PKP2: variants seen among roughly 807,000 people sequenced by gnomAD.
PKP2 encodes plakophilin-2.
A neutral mutation model predicts 83.4 loss-of-function variants in PKP2; 73 were observed. The observed-to-expected ratio is 0.88, with a 90% CI of 0.72 to 1.06. The LOEUF is 1.06. PKP2 is among the 50% of genes least tolerant of loss of function. The pLI is 0.00. For missense variants in PKP2, 966 were observed against 1,065.4 expected, an observed-to-expected ratio of 0.91 and a Z score of 1.30; for synonymous variants, 409 against 430.4, an observed-to-expected ratio of 0.95 and a Z score of 0.62.
At chr12:32,887,098 G>T (rs1252535981) in intron 1 of PKP2, among the ~76,000 whole-genome samples, 1 of 152,146 alleles carries the variant, frequency 6.6e-6, no homozygotes, top group Non-Finnish European at 1.5e-5. Flanking sequence ...TTAACCAATA[G>T]TTGTACAGTG....
intron 5 of PKP2, among the ~76,000 whole-genome samples, 174 bp downstream of exon 5, chr12:32,850,592 T>G (rs1198090669): frequency 6.6e-6 from 1 of 150,538 alleles, no homozygotes; most frequent in Non-Finnish European, 1.5e-5. Flanking sequence ...AATTCGAATG[T>G]GGCTCAAATC....
At chr12:32,799,615 G>C (rs976137779) in intron 10 of PKP2, among the ~76,000 whole-genome samples, 1 of 152,154 alleles carries the variant, frequency 6.6e-6, no homozygotes, top group African/African-American at 2.4e-5. Context: ...TAAAAAGAAA[G>C]ACATAATGGC....
intron 6 of PKP2, among the ~76,000 whole-genome samples, chr12:32,824,608 G>C (rs578134476): frequency 1.4e-4 from 21 of 152,280 alleles, no homozygotes; most frequent in South Asian, 1.0e-3. Flanking sequence ...AAGACAGTGT[G>C]TTGGACTACA....
intron 6 of PKP2, among the ~76,000 whole-genome samples, chr12:32,828,335 T>C (rs1177795887): frequency 7.2e-5 from 11 of 152,192 alleles, no homozygotes; most frequent in Admixed American, 7.2e-4. Context: ...CACAACACCC[T>C]GGACCTTGAT....
At chr12:32,797,957 G>A (rs1402950405) in intron 10 of PKP2, among the ~76,000 whole-genome samples, 9 of 151,938 alleles carry the variant, frequency 5.9e-5, no homozygotes, top group Non-Finnish European at 5.9e-5. Flanking sequence ...AGGAGTTTGA[G>A]ACCAGTCTGG....
chr12:32,834,385 A>G (rs1030340688), intron 6 of PKP2, among the ~76,000 whole-genome samples: 6 of 152,222 alleles, frequency 3.9e-5, no homozygotes, highest in African/African-American at 1.4e-4. Flanking sequence ...TGGACTAGCT[A>G]GCTGTCATTC....
intron 5 of PKP2, among the ~76,000 whole-genome samples, chr12:32,844,541 A>G (rs1287272897): frequency 6.6e-6 from 1 of 152,246 alleles, no homozygotes; most frequent in East Asian, 1.9e-4. Flanking sequence ...CCATGACTAG[A>G]GGAGGCAAAA....
intron 5 of PKP2, among the ~76,000 whole-genome samples, chr12:32,846,417 G>A (rs960821202): frequency 3.9e-5 from 6 of 152,116 alleles, no homozygotes; most frequent in Admixed American, 1.3e-4. Context: ...GAAGTAGAGC[G>A]AGAGATGAAG....
chr12:32,855,600 C>T (rs1403245556), intron 4 of PKP2, among the ~76,000 whole-genome samples: 3 of 151,836 alleles, frequency 2.0e-5, no homozygotes, highest in Admixed American at 6.6e-5. Context: ...CATAGTGAAA[C>T]CCCGTCTCTA....
At chr12:32,865,764 CAA>C (rs1178705832) in intron 4 of PKP2, among the ~76,000 whole-genome samples, 1 of 151,042 alleles carries the variant, frequency 6.6e-6, no homozygotes, top group East Asian at 2.0e-4. Context: ...TCCTTTTCAG[CAA>C]AGATACAAAG....
chr12:32,879,003 CAG>C lies in PKP2; in HGVS notation c.251_252del (p.Pro84ArgfsTer10). ...NGNLHRTSSV[P>X]EYVYNLHLVE... is the part of the protein sequence containing the mutation. ...ACCAAGTGTAGGTTGTAGACATACT[CAG>C]GAACACTGCTGGTTCGGTGAAGATT... On this transcript the variant is annotated frameshift_variant, in exon 2 of 13. Coordinates refer to ENST00000340811, the MANE Select transcript of PKP2 (RefSeq NM_001005242.3). LOFTEE classifies it high-confidence loss of function. The C allele has an allele frequency of 6.2e-7, 1 of 1,600,472 alleles. No individual in the cohort carries two copies. Among genetic ancestry groups the C allele is most frequent in the Non-Finnish European group, 8.6e-7 (1 of 1,169,302 alleles).
rs1354122232 is a variant in PKP2 at position 32,822,522 on chromosome 12, G to T, written c.1784C>A (p.Thr595Asn). Residue 595 changes from threonine (T) to asparagine (N), a missense_variant, in exon 8 of 13, where the codon ACT becomes AAT. Physicochemically the swap from Thr to Asn is moderately conservative, Grantham distance 65 (BLOSUM62 0). Coordinates refer to ENST00000340811, the MANE Select transcript of PKP2 (RefSeq NM_001005242.3). The stretch of plus-strand genomic sequence containing the variant: ...ACATCCAATACTTTTGTTGTTGTCA[G>T]TCTGGATATTCCGGTTTTGAATATA... ...NIYIQNRNIQTDNNKSIGCFG... is the reference protein window; with the variant it reads ...NIYIQNRNIQNDNNKSIGCFG... 1.9e-6 allele frequency: 3 copies of T among 1,613,966 alleles called. No individual in the cohort carries two copies. Among genetic ancestry groups the T allele is most frequent in the African/African-American group, 1.3e-5 (1 of 74,898 alleles).
chr12:32,874,136 T>G (rs1956914882), intron 3 of PKP2, among the ~76,000 whole-genome samples: 2 of 152,180 alleles, frequency 1.3e-5, no homozygotes, highest in South Asian at 2.1e-4. Flanking sequence ...AGGTTTATGG[T>G]TTTGTCCAGT....
intron 5 of PKP2, among the ~76,000 whole-genome samples, chr12:32,848,043 CT>C (rs1376333038): frequency 3.3e-5 from 5 of 152,230 alleles, no homozygotes; most frequent in African/African-American, 4.8e-5. Context: ...AATGGAATCA[CT>C]TTTAATTTCT....
rs1236865284 is a variant in PKP2 at position 32,793,752 on chromosome 12, C to T, written c.2358-1021G>A. ...CTGGGACTACAGGCGCATGCCACCACGCCAGGCTAATTTTTTGTATTTTTA... is the reference window on the plus strand; with the variant it reads ...CTGGGACTACAGGCGCATGCCACCATGCCAGGCTAATTTTTTGTATTTTTA... On this transcript the variant is annotated intron_variant, in intron 11 of 12. Transcript: ENST00000340811. Among the ~76,000 whole-genome samples, 4 of 151,502 alleles carry T rather than the reference C, an allele frequency of 2.6e-5. No individual in the cohort carries two copies. In the South Asian group the frequency reaches 6.3e-4, roughly 24 times the overall value.
chr12:32,881,337 G>C (rs935023447), intron 1 of PKP2, among the ~76,000 whole-genome samples: 7 of 152,074 alleles, frequency 4.6e-5, no homozygotes, highest in African/African-American at 1.7e-4. Context: ...TCTCCACAAG[G>C]GCTGGCAAAA....
intron 1 of PKP2, among the ~76,000 whole-genome samples, chr12:32,881,030 A>G (rs1956981760): frequency 6.6e-6 from 1 of 152,210 alleles, no homozygotes; most frequent in Non-Finnish European, 1.5e-5. Context: ...ACACATCAAC[A>G]TAACTTTTCC....
chr12:32,865,770 T>A (rs1956843274), intron 4 of PKP2, among the ~76,000 whole-genome samples: 1 of 151,474 alleles, frequency 6.6e-6, no homozygotes, highest in African/African-American at 2.4e-5. Flanking sequence ...TCAGCAAAGA[T>A]ACAAAGACAA....
chr12:32,843,275 C>A lies in PKP2; in HGVS notation c.1379-2070G>T. ...GGATTACAGGCGTGAGCCACCGCGC[C>A]CGGCCAGCCATTCCTACTTCTTAAA... On this transcript the variant is annotated intron_variant, in intron 5 of 12. Transcript: ENST00000340811. 6.7e-6 allele frequency: 9 copies of A among 1,347,570 alleles called. No individual in the cohort carries two copies. The highest frequency in any genetic ancestry group is 8.9e-6 in the Non-Finnish European group (9 of 1,006,964). The allele number at this position is 1,347,570 out of a possible 1,614,324, so 83.5% of individuals were successfully genotyped here.
Sources: gnomAD v4.1 joint callset for allele counts (sites outside exome capture counted in the v4.1 genomes callset) on GRCh38, gnomAD v4.1.1 for gene constraint, MANE v1.5 for transcripts, NCBI Gene and HGNC (gene_info 2026-07-23, HGNC 2026-07-21) for gene names.